Variants in COL9A1 observed in about 807,000 individuals in gnomAD.
COL9A1 encodes the protein collagen alpha-1(IX) chain.
COL9A1 carries 104 observed loss-of-function variants against 142.6 expected under a neutral mutation model. The ratio of observed to expected loss-of-function variants is 0.73; its 90% CI spans 0.62 to 0.86. The LOEUF (loss-of-function observed/expected upper bound fraction) is 0.86, where lower values mean the gene tolerates loss of function less well. Ranked by LOEUF, COL9A1 falls within the 40% of genes least tolerant of loss-of-function variation. The pLI is 0.00. For synonymous variants in COL9A1, 466 were observed against 396.0 expected, an observed-to-expected ratio of 1.18 and a Z score of -2.10; for missense variants, 1,210 against 1,176.6, an observed-to-expected ratio of 1.03 and a Z score of -0.42.
rs970770918 is a variant in COL9A1, at chr6:70,235,414, C to A, written c.2113-474G>T. Among the ~76,000 whole-genome samples the A allele has an allele frequency of 5.3e-5, 8 of 152,198 alleles. 1 individual carries two copies. The South Asian group carries it at 1.7e-3, about 32-fold the overall frequency. On this transcript the variant is annotated intron_variant, in intron 33 of 37. Transcript: ENST00000357250. Reference sequence around the variant, plus strand: ...GTTGCAGTAAGCGGAGATCGTGCCACTGTACTCCAGCCTGGGCAACATAGT... The same window carrying A: ...GTTGCAGTAAGCGGAGATCGTGCCAATGTACTCCAGCCTGGGCAACATAGT...
chr6:70,230,115 TA>T (rs1436772539), intron 36 of COL9A1, among the ~76,000 whole-genome samples: 1 of 152,232 alleles, frequency 6.6e-6, no homozygotes, highest in Admixed American at 6.5e-5. Flanking sequence ...ATCTCTCCTC[TA>T]ATTGACTGAA....
Position 70,252,129 on chromosome 6 carries a change from C to CT in COL9A1, c.1862dup (p.Leu623AlafsTer5), listed in dbSNP as rs746765982. ...AGCAAGGAATACTCACAGGAAGCCC[C>CT]TGGGGTCCTCGGGGTCCCACCTCTC... On this transcript the variant is annotated frameshift_variant, in exon 28 of 38. Transcript: ENST00000357250. LOFTEE classifies it high-confidence loss of function. 1 of 1,614,018 alleles carries CT rather than the reference C, an allele frequency of 6.2e-7. No homozygotes were observed. The highest frequency in any genetic ancestry group is 1.3e-5 in the African/African-American group (1 of 75,048).
chr6:70,281,320 A>G, intron 8 of COL9A1, 70 bp downstream of exon 8: 1 of 1,459,636 alleles, frequency 6.9e-7, no homozygotes, highest in Non-Finnish European at 9.4e-7. Context: ...AAAACCCCAC[A>G]GGAGCCCTGG....
At position 70,241,999 on chromosome 6, in the gene COL9A1, C is replaced by A. The variant is rs2127565874; in HGVS notation, c.1963G>T (p.Gly655Trp). 1 of 1,599,976 alleles carries A rather than the reference C, an allele frequency of 6.3e-7. No individual in the cohort carries two copies. Among genetic ancestry groups the A allele is most frequent in the Admixed American group, 1.7e-5 (1 of 59,022 alleles). Residue 655 changes from glycine to tryptophan, a missense_variant, in exon 30 of 38, where the codon GGG becomes TGG. Transcript: ENST00000357250. ...TTCATTCCAGGAAGTCCAGGGGGCC[C>A]AGGCAAGCCAGGGAGGCCAGGGCTA... Reference protein sequence around the residue: ...LGSPGLPGLPGPPGLPGMKGD... With the variant: ...LGSPGLPGLPWPPGLPGMKGD...
intron 28 of COL9A1, 59 bp from the exon 29 acceptor site, chr6:70,242,774 C>A: frequency 6.6e-7 from 1 of 1,512,900 alleles, no homozygotes. Context: ...TGCTTAGTTA[C>A]TATGTAAATA....
chr6:70,219,105 G>T (rs992359802), intron 37 of COL9A1, among the ~76,000 whole-genome samples: 3 of 152,166 alleles, frequency 2.0e-5, no homozygotes, highest in African/African-American at 7.2e-5. Flanking sequence ...CACCTGTTAA[G>T]ATCCTTAACA....
At chr6:70,256,856 A>T in intron 20 of COL9A1, 35 bp from the exon 21 acceptor site, 1 of 1,601,878 alleles carries the variant, frequency 6.2e-7, no homozygotes, top group South Asian at 1.1e-5. Flanking sequence ...AAAAACTGAG[A>T]TCAGTCATGT....
rs576135150 is a variant in COL9A1, at chr6:70,234,727, T to C, written c.2259+67A>G. On this transcript the variant is annotated intron_variant, in intron 34 of 37. Transcript: ENST00000357250. ...GAGAACTTGTTGAGAAGCTGATGCCTAGAACAGCCCTGCTGCTGTGGGATG... is the reference window on the plus strand; with the variant it reads ...GAGAACTTGTTGAGAAGCTGATGCCCAGAACAGCCCTGCTGCTGTGGGATG... 16 of 1,609,812 alleles carry C rather than the reference T, an allele frequency of 9.9e-6. No individual in the cohort carries two copies. In the African/African-American group the frequency reaches 2.1e-4, roughly 22 times the overall value.
chr6:70,225,618 T>A (rs1027047815), intron 37 of COL9A1, among the ~76,000 whole-genome samples: 9 of 152,096 alleles, frequency 5.9e-5, no homozygotes, highest in Non-Finnish European at 1.0e-4. Context: ...ATCACCTGCT[T>A]TAGAAATAGA....
At position 70,294,426 on chromosome 6, in the gene COL9A1, A is replaced by G. The variant is rs780230984; in HGVS notation, c.437T>C (p.Ile146Thr). 1 of 1,614,102 alleles carries G rather than the reference A, an allele frequency of 6.2e-7. No individual in the cohort carries two copies. The highest frequency in any genetic ancestry group is 8.5e-7 in the Non-Finnish European group (1 of 1,179,984). Residue 146 changes from isoleucine (I) to threonine (T), a missense_variant, in exon 5 of 38, where the codon ATT becomes ACT. By Grantham distance (89) the Ile-to-Thr change is moderately conservative. Transcript: ENST00000357250. ...TACAACAGATTGTGTTTGGCCATTA[A>G]TCTTTATGCCAACTTGCTCCTTCCC... ...SSGKEQVGIK[I>T]NGQTQSVVFS...
At chr6:70,290,566 T>G (rs1225261733) in intron 5 of COL9A1, among the ~76,000 whole-genome samples, 1 of 151,982 alleles carries the variant, frequency 6.6e-6, no homozygotes, top group Non-Finnish European at 1.5e-5. Flanking sequence ...CTTTTTCAAC[T>G]TAGAAAAGGA....
intron 17 of COL9A1, among the ~76,000 whole-genome samples, chr6:70,268,594 A>G (rs1455154756): frequency 6.6e-6 from 1 of 152,204 alleles, no homozygotes; most frequent in Non-Finnish European, 1.5e-5. Context: ...TCTTCCCTGA[A>G]CTAGAAAGCC....
intron 29 of COL9A1, 166 bp from the exon 30 acceptor site, chr6:70,242,201 A>C (rs1770302691): frequency 1.4e-6 from 1 of 690,014 alleles, no homozygotes; most frequent in East Asian, 2.8e-5. Flanking sequence ...TCAGGAGAAG[A>C]GGGCGGGGCC....
chr6:70,299,799 T>C (rs796711349), intron 4 of COL9A1, among the ~76,000 whole-genome samples: 16 of 152,312 alleles, frequency 1.1e-4, no homozygotes, highest in African/African-American at 3.6e-4. Flanking sequence ...TAAGAACATG[T>C]CCTGAATCAA....
At chr6:70,236,360 A>T (rs649384) in intron 33 of COL9A1, among the ~76,000 whole-genome samples, 4,434 of 152,266 alleles carry the variant, frequency 0.029, 216 homozygotes, top group African/African-American at 0.099. Flanking sequence ...TGTTAAACTA[A>T]AAATTTGTTA....
chr6:70,255,462 A>G lies in COL9A1; in HGVS notation c.1504-72T>C, dbSNP rs576152255. 6.2e-5 allele frequency: 81 copies of G among 1,313,498 alleles called. No homozygotes were observed. In the African/African-American group the frequency reaches 1.1e-3, roughly 17 times the overall value. The allele number at this position is 1,313,498 out of a possible 1,614,324, so 81.4% of individuals were successfully genotyped here. A position where few individuals can be genotyped will look rare whatever the true frequency, so the allele number is the denominator to read the frequency against. On this transcript the variant is annotated intron_variant, in intron 21 of 37. Coordinates refer to ENST00000357250, the MANE Select transcript of COL9A1 (RefSeq NM_001851.6). ...AATCAACTTTTAAAAATTAGAAAGT[A>G]TCATCCACGTCACCAAACTATTAGT... is the stretch of plus-strand genomic sequence containing the variant.
intron 28 of COL9A1, among the ~76,000 whole-genome samples, chr6:70,251,629 C>A (rs1583260766): frequency 6.6e-6 from 1 of 152,116 alleles, no homozygotes; most frequent in South Asian, 2.1e-4. Flanking sequence ...CCAGAATTGG[C>A]AAATCTATAG....
chr6:70,295,693 T>G (rs1447377821), intron 4 of COL9A1, among the ~76,000 whole-genome samples: 1 of 152,156 alleles, frequency 6.6e-6, no homozygotes, highest in Admixed American at 6.6e-5. Context: ...CTCTACCCTA[T>G]ACAGAGACTG....
At chr6:70,282,748 AC>A in intron 7 of COL9A1, 149 bp downstream of exon 7, 1 of 1,183,538 alleles carries the variant, frequency 8.4e-7, no homozygotes, top group Non-Finnish European at 1.2e-6. Context: ...CTTCGATAGG[AC>A]TCGCGGCAGG....
Sources: allele counts gnomAD v4.1 joint callset (sites outside exome capture counted in the v4.1 genomes callset), GRCh38; gene constraint gnomAD v4.1.1; transcripts MANE v1.5; gene names NCBI Gene and HGNC (gene_info 2026-07-23, HGNC 2026-07-21).